DISC1: variants seen among roughly 807,000 people sequenced by gnomAD.
DISC1 encodes the protein DISC1 scaffold protein.
Under a neutral mutation model 84.5 loss-of-function variants are expected in DISC1, and 57 were observed. The observed-to-expected ratio is 0.67, with a 90% CI of 0.55 to 0.84. The LOEUF (loss-of-function observed/expected upper bound fraction) is 0.84. Ranked by LOEUF, DISC1 falls within the 40% of genes least tolerant of loss-of-function variation. DISC1 has a pLI of 0.00. For missense variants in DISC1, 1,000 were observed against 1,057.8 expected (o/e 0.95, Z 0.76); for synonymous variants, 411 against 415.2 (o/e 0.99, Z 0.12).
intron 9 of DISC1, among the ~76,000 whole-genome samples, chr1:231,908,525 A>T (rs2126046584): frequency 6.6e-6 from 1 of 152,198 alleles, no homozygotes; most frequent in East Asian, 1.9e-4. Context: ...GTTCTGTTCC[A>T]TTGGTCTATA....
chr1:231,816,646 A>G (rs894264866), intron 8 of DISC1, among the ~76,000 whole-genome samples: 1 of 152,180 alleles, frequency 6.6e-6, no homozygotes, highest in Non-Finnish European at 1.5e-5. Context: ...TAGTTGTTCC[A>G]GCACCATTTA....
intron 9 of DISC1, among the ~76,000 whole-genome samples, chr1:231,853,603 A>C (rs1412091197): frequency 6.6e-6 from 1 of 152,252 alleles, no homozygotes; most frequent in African/African-American, 2.4e-5. Flanking sequence ...TACTAGCATT[A>C]AAGTTCTTCC....
At chr1:231,749,026 A>G (rs884158) in intron 3 of DISC1, among the ~76,000 whole-genome samples, 4,697 of 152,222 alleles carry the variant, frequency 0.031, 166 homozygotes, top group African/African-American at 0.084. Context: ...TATCTTTTCC[A>G]TGCAATAAGA....
intron 1 of DISC1, among the ~76,000 whole-genome samples, chr1:231,628,319 G>A (rs535923430): frequency 2.6e-5 from 4 of 152,258 alleles, no homozygotes; most frequent in African/African-American, 9.6e-5. Flanking sequence ...GAAAAATGGG[G>A]GTAGTAATTA....
chr1:232,008,409 G>A (rs1376872366), intron 10 of DISC1, among the ~76,000 whole-genome samples: 4 of 152,214 alleles, frequency 2.6e-5, no homozygotes, highest in African/African-American at 9.6e-5. Context: ...TGTTGATGGA[G>A]AATGGACAGA....
intron 1 of DISC1, among the ~76,000 whole-genome samples, chr1:231,682,533 A>AGATAATGT (rs1468204683): frequency 6.6e-6 from 1 of 152,210 alleles, no homozygotes. Flanking sequence ...TTCACAGATG[A>AGATAATGT]GATAATGGAA....
intron 3 of DISC1, among the ~76,000 whole-genome samples, chr1:231,739,222 T>C (rs2072930084): frequency 6.6e-6 from 1 of 152,252 alleles, no homozygotes; most frequent in Admixed American, 6.5e-5. Context: ...ATGTTTCCTA[T>C]TCCAGTGCAA....
At chr1:231,781,088 AG>A (rs2077386006) in intron 6 of DISC1, among the ~76,000 whole-genome samples, 1 of 150,386 alleles carries the variant, frequency 6.6e-6, no homozygotes, top group Admixed American at 6.6e-5. Context: ...TCAGCGCACC[AG>A]CATGGCACAT....
rs1396197645 is a variant in DISC1, at chr1:231,762,509, G to GTT, written c.1269-4628_1269-4627dup. ...GCCACTGTGCCTAATTTTTAGTTTT[G>GTT]TTTTGTTTTTTTTTTTTTTTTGGTA... On this transcript the variant is annotated intron_variant, in intron 4 of 12. Coordinates refer to ENST00000439617, the MANE Select transcript of DISC1 (RefSeq NM_018662.3). 4.6e-4 allele frequency among the ~76,000 whole-genome samples: 24 copies of GTT among 52,550 alleles called. 5 individuals are homozygous for GTT. The highest frequency in any genetic ancestry group is 1.3e-3 in the East Asian group (2 of 1,538). 34.5% of individuals were successfully genotyped at this position (52,550 alleles called of 152,430 possible).
intron 3 of DISC1, among the ~76,000 whole-genome samples, chr1:231,708,626 A>T (rs1257109405): frequency 6.6e-6 from 1 of 152,106 alleles, no homozygotes; most frequent in Non-Finnish European, 1.5e-5. Context: ...ATTGGTTTTC[A>T]ATTGAGGTCA....
In DISC1 at chr1:231,791,965, A is replaced by C. The variant is rs115049550; in HGVS notation, c.1635-3277A>C. 6.2e-3 allele frequency among the ~76,000 whole-genome samples: 939 copies of C among 152,242 alleles called. 12 individuals carry two copies. The highest frequency in any genetic ancestry group is 0.019 in the South Asian group (90 of 4,832). ...TAAAAGCAGATTCCCTGTTATCTTT[A>C]TTATGTTTTATAGTGCTGTGTAAAC... On this transcript the variant is annotated intron_variant, in intron 6 of 12. Transcript: ENST00000439617.
At chr1:231,650,966 AT>A (rs886485462) in intron 1 of DISC1, among the ~76,000 whole-genome samples, 1 of 151,626 alleles carries the variant, frequency 6.6e-6, no homozygotes, top group African/African-American at 2.4e-5. Flanking sequence ...CATTTGTCTA[AT>A]TTTTTTTCAA....
At chr1:231,887,658 T>G (rs2086868397) in intron 9 of DISC1, among the ~76,000 whole-genome samples, 1 of 152,232 alleles carries the variant, frequency 6.6e-6, no homozygotes, top group Admixed American at 6.5e-5. Context: ...CTACAAAAAC[T>G]TGTTTCTGTT....
rs533390605 is a variant in DISC1 at position 232,012,197 on chromosome 1, T to C, written c.2307+3148T>C. 3.3e-5 allele frequency among the ~76,000 whole-genome samples: 5 copies of C among 152,350 alleles called. No homozygotes were observed. The South Asian group carries it at 1.0e-3, about 32-fold the overall frequency. On this transcript the variant is annotated intron_variant, in intron 11 of 12. Coordinates refer to ENST00000439617, the MANE Select transcript of DISC1 (RefSeq NM_018662.3). ...GTATGACTCAGTCTCCAGGCTTAACTTTCCCTTTTGCATAAGGAGTTTGGG... is the reference window on the plus strand; with the variant it reads ...GTATGACTCAGTCTCCAGGCTTAACCTTCCCTTTTGCATAAGGAGTTTGGG...
chr1:231,643,815 G>A (rs73113416), intron 1 of DISC1, among the ~76,000 whole-genome samples: 2,048 of 152,266 alleles, frequency 0.013, 51 homozygotes, highest in African/African-American at 0.047. Flanking sequence ...GCAGCCTGCC[G>A]CTGTGCAGGT....
intron 9 of DISC1, among the ~76,000 whole-genome samples, chr1:231,834,571 G>C (rs2082490146): frequency 6.6e-6 from 1 of 152,286 alleles, no homozygotes; most frequent in African/African-American, 2.4e-5. Context: ...GTTTGCATTG[G>C]GGTCAAGCGG....
chr1:231,669,986 G>T (rs2062434496), intron 1 of DISC1, among the ~76,000 whole-genome samples: 1 of 152,184 alleles, frequency 6.6e-6, no homozygotes, highest in Non-Finnish European at 1.5e-5. Context: ...GCCAATCAAT[G>T]ATAGACTGGA....
At chr1:231,946,776 A>G (rs1457897791) in intron 9 of DISC1, among the ~76,000 whole-genome samples, 3 of 152,212 alleles carry the variant, frequency 2.0e-5, no homozygotes, top group Admixed American at 6.5e-5. Flanking sequence ...GCTGTTATCA[A>G]TGTGCAAAAA....
rs141654845 is a variant in DISC1, at chr1:231,786,773, C to A, written c.1635-8469C>A. Among the ~76,000 whole-genome samples the A allele has an allele frequency of 1.7e-3, 253 of 152,236 alleles. 1 individual carries two copies. The highest frequency in any genetic ancestry group is 0.014 in the Middle Eastern group (4 of 294). On this transcript the variant is annotated intron_variant, in intron 6 of 12. Coordinates refer to ENST00000439617, the MANE Select transcript of DISC1 (RefSeq NM_018662.3). ...CCTGTATGCCCAGGTAATATCTACA[C>A]CCTTCAAGGTAGCCTGTGCTCGACT...
Sources: allele counts gnomAD v4.1 joint callset (sites outside exome capture counted in the v4.1 genomes callset), GRCh38; gene constraint gnomAD v4.1.1; transcripts MANE v1.5; gene names NCBI Gene and HGNC (gene_info 2026-07-23, HGNC 2026-07-21).